The following FGF8 variants were observed in gnomAD, a reference collection of about 807,000 sequenced individuals.
FGF8 encodes the protein fibroblast growth factor 8.
In FGF8, 12 loss-of-function variants were observed where a neutral mutation model predicts 29.7. The ratio of observed to expected loss-of-function variants is 0.40; its 90% CI spans 0.26 to 0.65. The LOEUF (loss-of-function observed/expected upper bound fraction) is 0.65, where lower values mean the gene tolerates loss of function less well. FGF8 is among the 30% of genes least tolerant of loss of function. The probability of loss-of-function intolerance (pLI) is 0.37; values close to 1 mark genes in which losing one functional copy is unlikely to be tolerated. For synonymous variants in FGF8, 157 were observed against 144.4 expected, an observed-to-expected ratio of 1.09 and a Z score of -0.63; for missense variants, 271 against 345.1, an observed-to-expected ratio of 0.79 and a Z score of 1.70.
chr10:101,775,163 C>A lies in FGF8; in HGVS notation c.123G>T (p.Arg41=). The change falls in exon 3 of 6, where the codon CGG becomes CGT. Residue 41 remains arginine (R), a synonymous_variant. Transcript: ENST00000320185. This position sits in a 1 kb window ranked among gnomAD's most constrained non-coding sequence, Gnocchi z 4.6. ...AGACACCCTGGGGCTCCCGGCCAGC[C>A]CGGAACAGGGAAGCGAGCTCCCTGC... ...ALGRELASLF[R]AGREPQGVSQ... The A allele has an allele frequency of 5.2e-6, 8 of 1,548,618 alleles. No individual in the cohort carries two copies. Among genetic ancestry groups the A allele is most frequent in the Non-Finnish European group, 7.0e-6 (8 of 1,147,178 alleles).
chr10:101,774,295 T>C (rs1259912248), intron 4 of FGF8, among the ~76,000 whole-genome samples: 1 of 152,162 alleles, frequency 6.6e-6, no homozygotes, highest in Non-Finnish European at 1.5e-5. Flanking sequence ...ACCCATCCGA[T>C]TAAAGTATTT....
upstream of FGF8, among the ~76,000 whole-genome samples, chr10:101,779,115 T>C (rs1161494318): frequency 6.6e-6 from 1 of 151,360 alleles, no homozygotes; most frequent in African/African-American, 2.4e-5. The surrounding 1 kb of genome is among the most constrained non-coding windows in gnomAD (Gnocchi z 5.7). Context: ...CCAGACACAC[T>C]ACTTCAGCCT....
Position 101,775,454 on chromosome 10 carries a change from C to T in FGF8, c.70-238G>A. ...CCGCGGCTGCCCCCTTCCTCGGCGGCTGGGTGTTCCCTATGCCCCCAGCCG... is the reference window on the plus strand; with the variant it reads ...CCGCGGCTGCCCCCTTCCTCGGCGGTTGGGTGTTCCCTATGCCCCCAGCCG... On this transcript the variant is annotated intron_variant, in intron 2 of 5. Transcript: ENST00000320185. The surrounding 1 kb of genome is among the most constrained non-coding windows in gnomAD (Gnocchi z 4.6). 1.7e-6 allele frequency: 1 copy of T among 603,692 alleles called. No homozygotes were observed. Among genetic ancestry groups the T allele is most frequent in the Non-Finnish European group, 2.9e-6 (1 of 339,898 alleles). The allele number at this position is 603,692 out of a possible 1,614,324, so 37.4% of individuals were successfully genotyped here.
rs1221702808 is a variant in FGF8, at chr10:101,770,137, GT to G, written c.*191del. The stretch of plus-strand genomic sequence containing the variant: ...AATACAAAAATAGAGCCTCTCTTTT[GT>G]TTTAAAAAAAAAAAAAAAAAAAAAA... On this transcript the variant is annotated 3_prime_UTR_variant, in exon 6 of 6. Transcript: ENST00000320185. 3,826 of 470,004 alleles carry G rather than the reference GT, an allele frequency of 8.1e-3. 15 individuals carry two copies. Among genetic ancestry groups the G allele is most frequent in the Middle Eastern group, 0.012 (21 of 1,794 alleles). The allele number at this position is 470,004 out of a possible 1,614,324, so 29.1% of individuals were successfully genotyped here. A position where few individuals can be genotyped will look rare whatever the true frequency, so the allele number is the denominator to read the frequency against.
rs2065075871 is a variant in FGF8, at chr10:101,775,425, C to G, written c.70-209G>C. 1.7e-6 allele frequency: 1 copy of G among 605,306 alleles called. No individual in the cohort carries two copies. Among genetic ancestry groups the G allele is most frequent in the South Asian group, 2.0e-5 (1 of 50,900 alleles). The allele number at this position is 605,306 out of a possible 1,614,324, so 37.5% of individuals were successfully genotyped here. ...TCCCCTGGCATCGAACATCCATCCC[C>G]TGGCCGCGGCTGCCCCCTTCCTCGG... On this transcript the variant is annotated intron_variant, in intron 2 of 5. Coordinates refer to ENST00000320185, the MANE Select transcript of FGF8 (RefSeq NM_033163.5). This position sits in a 1 kb window ranked among gnomAD's most constrained non-coding sequence, Gnocchi z 4.6.
At chr10:101,773,626 C>T (rs1361653454) in intron 4 of FGF8, among the ~76,000 whole-genome samples, 1 of 152,176 alleles carries the variant, frequency 6.6e-6, no homozygotes, top group Non-Finnish European at 1.5e-5. Context: ...TATGTCTCCT[C>T]CAGCTTTGAA....
rs774894623 is a variant in FGF8, at chr10:101,770,310, G to T, written c.*19C>A. On this transcript the variant is annotated 3_prime_UTR_variant, in exon 6 of 6. Coordinates refer to ENST00000320185, the MANE Select transcript of FGF8 (RefSeq NM_033163.5). ...GAGCCTCTCTGCGGTCTGGCATTGTGGGGAGGGCCAGGCAGCACCTATCGG... is the reference window on the plus strand; with the variant it reads ...GAGCCTCTCTGCGGTCTGGCATTGTTGGGAGGGCCAGGCAGCACCTATCGG... The T allele has an allele frequency of 1.9e-6, 3 of 1,575,854 alleles. No individual in the cohort carries two copies. Among genetic ancestry groups the T allele is most frequent in the Non-Finnish European group, 1.7e-6 (2 of 1,160,870 alleles).
upstream of FGF8, among the ~76,000 whole-genome samples, chr10:101,778,814 C>T (rs1589816076): frequency 6.6e-6 from 1 of 152,200 alleles, no homozygotes. Flanking sequence ...CCCTTGCTGG[C>T]TCGCCCGCCT....
chr10:101,776,735 G>GC (rs1243088525), upstream of FGF8, among the ~76,000 whole-genome samples: 1 of 152,032 alleles, frequency 6.6e-6, no homozygotes, highest in African/African-American at 2.4e-5. Flanking sequence ...TCGGCCGCGT[G>GC]CCCCGTCCTG....
intron 4 of FGF8, 129 bp downstream of exon 4, chr10:101,774,603 C>T (rs955671794): frequency 1.3e-6 from 1 of 772,758 alleles, no homozygotes; most frequent in Non-Finnish European, 2.1e-6. Flanking sequence ...CCCAGCTGAC[C>T]CTCAAGACAC....
At chr10:101,776,163 G>A (rs1276504649), upstream of FGF8, 2 of 123,682 alleles carry the variant, frequency 1.6e-5, no homozygotes, top group Admixed American at 7.7e-5. Context: ...CGGGGTGGGT[G>A]GGGAGGTGGG....
At chr10:101,778,902 A>G (rs975991028), upstream of FGF8, among the ~76,000 whole-genome samples, 1 of 152,178 alleles carries the variant, frequency 6.6e-6, no homozygotes, top group Non-Finnish European at 1.5e-5. Context: ...CGAATCTGCA[A>G]TCAGAGCTCC....
In FGF8 at chr10:101,775,817, G is replaced by T; in HGVS notation, c.33-41C>A. 1 of 1,530,276 alleles carries T rather than the reference G, an allele frequency of 6.5e-7. No individual in the cohort carries two copies. Among genetic ancestry groups the T allele is most frequent in the Non-Finnish European group, 8.8e-7 (1 of 1,140,572 alleles). 94.8% of individuals were successfully genotyped at this position (1,530,276 alleles called of 1,614,324 possible). A position where few individuals can be genotyped will look rare whatever the true frequency, so the allele number is the denominator to read the frequency against. ...GCGGGCGGGAGAGAGAGGCGCGGGTGAGGCGAGGGGCGCGGGGGGCGGGTG... is the reference window on the plus strand; with the variant it reads ...GCGGGCGGGAGAGAGAGGCGCGGGTTAGGCGAGGGGCGCGGGGGGCGGGTG... On this transcript the variant is annotated intron_variant, in intron 1 of 5. Transcript: ENST00000320185. The surrounding 1 kb of genome is among the most constrained non-coding windows in gnomAD (Gnocchi z 4.6).
chr10:101,770,755 G>A (rs2065012789), intron 5 of FGF8, 136 bp from the exon 6 acceptor site: 1 of 916,650 alleles, frequency 1.1e-6, no homozygotes, highest in South Asian at 1.4e-5. Flanking sequence ...CCCTGCCTGG[G>A]CACCCGCTCT....
intron 5 of FGF8, 21 bp from the exon 6 acceptor site, chr10:101,770,640 C>T (rs1589809877): frequency 2.5e-6 from 4 of 1,604,432 alleles, no homozygotes; most frequent in South Asian, 1.1e-5. Context: ...GGGAGCCAGA[C>T]ACCACGTTAC....
At chr10:101,774,693 G>C (rs2065065627) in intron 4 of FGF8, 39 bp downstream of exon 4, 1 of 1,575,248 alleles carries the variant, frequency 6.3e-7, no homozygotes, top group Admixed American at 1.7e-5. Flanking sequence ...GGTGGTCCAG[G>C]CGCCGCGCAT....
Position 101,775,681 on chromosome 10 carries a change from T to G in FGF8, c.69+59A>C. The G allele has an allele frequency of 6.5e-7, 1 of 1,528,594 alleles. No homozygotes were observed. Among genetic ancestry groups the G allele is most frequent in the Non-Finnish European group, 8.8e-7 (1 of 1,136,978 alleles). The allele number at this position is 1,528,594 out of a possible 1,614,324, so 94.7% of individuals were successfully genotyped here. On this transcript the variant is annotated intron_variant, in intron 2 of 5. Coordinates refer to ENST00000320185, the MANE Select transcript of FGF8 (RefSeq NM_033163.5). The surrounding 1 kb of genome is among the most constrained non-coding windows in gnomAD (Gnocchi z 4.6). The stretch of plus-strand genomic sequence containing the variant: ...CAGTCCCGGTGCCCCCGACCGGCGC[T>G]GCCCACCCGGGTCTCACACCGGCGC...
At chr10:101,779,632 G>A (rs776829222), upstream of FGF8, among the ~76,000 whole-genome samples, 6 of 151,844 alleles carry the variant, frequency 4.0e-5, no homozygotes, top group African/African-American at 7.3e-5. The surrounding 1 kb of genome is among the most constrained non-coding windows in gnomAD (Gnocchi z 5.7). Flanking sequence ...CCGGAAAACC[G>A]GCGAGAAATG....
At chr10:101,778,392 T>A (rs1328313379), upstream of FGF8, among the ~76,000 whole-genome samples, 2 of 152,080 alleles carry the variant, frequency 1.3e-5, no homozygotes, top group Non-Finnish European at 2.9e-5. Flanking sequence ...GGAATGGGGG[T>A]AGGGGCAGAG....
Sources: allele counts gnomAD v4.1 joint callset (sites outside exome capture counted in the v4.1 genomes callset), GRCh38; gene constraint gnomAD v4.1.1; non-coding constraint Gnocchi (gnomAD v3.1); transcripts MANE v1.5; gene names NCBI Gene and HGNC (gene_info 2026-07-23, HGNC 2026-07-21).